KLHL22: variants seen among roughly 807,000 people sequenced by gnomAD.
The protein encoded by KLHL22 is kelch-like protein 22.
KLHL22 carries 18 observed loss-of-function variants against 60.7 expected under a neutral mutation model. The ratio of observed to expected loss-of-function variants is 0.30; its 90% CI spans 0.20 to 0.44. The LOEUF is 0.44. Among genes scored for constraint, KLHL22 ranks in the 20% least tolerant of loss-of-function variants. The pLI, the probability that KLHL22 is intolerant of heterozygous loss-of-function variation, is 1.00. For missense variants in KLHL22, 596 were observed against 852.3 expected, an observed-to-expected ratio of 0.70 and a Z score of 3.74; for synonymous variants, 355 against 354.5, an observed-to-expected ratio of 1.00 and a Z score of -0.01.
intron 5 of KLHL22, chr22:20,450,768 C>T: frequency 2.3e-6 from 3 of 1,328,720 alleles, no homozygotes; most frequent in Non-Finnish European, 3.3e-6. Context: ...CCTTGCCCAG[C>T]CTGCTACAGT....
chr22:20,450,421 A>G, intron 5 of KLHL22: 5 of 1,516,686 alleles, frequency 3.3e-6, no homozygotes, highest in Non-Finnish European at 4.6e-6. Flanking sequence ...TGACATGGAG[A>G]ATGTACAGGA....
At chr22:20,488,840 C>T (rs2053632673) in intron 2 of KLHL22, 145 bp downstream of exon 2, 2 of 717,766 alleles carry the variant, frequency 2.8e-6, no homozygotes, top group East Asian at 5.4e-5. Flanking sequence ...CTGTCTCTCA[C>T]ACTTGTTGAC....
At chr22:20,481,975 T>G (rs2146269927) in intron 2 of KLHL22, 1 of 152,320 alleles carries the variant, frequency 6.6e-6, no homozygotes, top group East Asian at 1.9e-4. Context: ...TGCAGTGCAG[T>G]GACATGATCC....
chr22:20,457,477 A>C (rs149928563), intron 5 of KLHL22, among the ~76,000 whole-genome samples: 111 of 152,260 alleles, frequency 7.3e-4, no homozygotes, highest in African/African-American at 2.6e-3. Context: ...ACAAAGAGCA[A>C]ATGTTCTATC....
chr22:20,460,306 CAAATTT>C (rs1224467692), intron 4 of KLHL22, among the ~76,000 whole-genome samples: 1 of 152,108 alleles, frequency 6.6e-6, no homozygotes, highest in Non-Finnish European at 1.5e-5. Flanking sequence ...TTTGTGGCTT[CAAATTT>C]AAAGACACAC....
At chr22:20,448,870 T>C (rs2052925762) in intron 5 of KLHL22, among the ~76,000 whole-genome samples, 1 of 152,236 alleles carries the variant, frequency 6.6e-6, no homozygotes, top group Non-Finnish European at 1.5e-5. Context: ...GTCACCAGTA[T>C]TTCGTATTTT....
intron 4 of KLHL22, among the ~76,000 whole-genome samples, chr22:20,461,550 C>CAAAAA (rs362095): frequency 4.6e-4 from 30 of 64,680 alleles, no homozygotes; most frequent in East Asian, 9.2e-4. Context: ...GACTCCAACT[C>CAAAAA]AAAAAAAAAA....
At chr22:20,480,962 G>A (rs184802499) in intron 2 of KLHL22, among the ~76,000 whole-genome samples, 1 of 151,226 alleles carries the variant, frequency 6.6e-6, no homozygotes, top group Non-Finnish European at 1.5e-5. Flanking sequence ...CTCCCGAGTA[G>A]CTGGGACTAC....
chr22:20,459,714 G>A (rs1282532144), intron 4 of KLHL22, among the ~76,000 whole-genome samples: 4 of 152,182 alleles, frequency 2.6e-5, no homozygotes, highest in Non-Finnish European at 5.9e-5. Context: ...TACCAGCAAT[G>A]AATCATTCAT....
chr22:20,456,928 C>A (rs889509275), intron 5 of KLHL22, among the ~76,000 whole-genome samples: 2 of 152,216 alleles, frequency 1.3e-5, no homozygotes, highest in African/African-American at 4.8e-5. Context: ...GCCCCCCATA[C>A]CATCCTCTGC....
At position 20,495,719 on chromosome 22, in the gene KLHL22, C is replaced by A; in HGVS notation, c.-34+41G>T. 1 of 151,640 alleles carries A rather than the reference C, an allele frequency of 6.6e-6. No individual in the cohort carries two copies. Among genetic ancestry groups the A allele is most frequent in the South Asian group, 1.9e-4 (1 of 5,392 alleles). 9.4% of individuals were successfully genotyped at this position (151,640 alleles called of 1,614,324 possible). On this transcript the variant is annotated intron_variant, in intron 1 of 6. Coordinates refer to ENST00000328879, the MANE Select transcript of KLHL22 (RefSeq NM_032775.4). The surrounding 1 kb of genome is among the most constrained non-coding windows in gnomAD (Gnocchi z 4.6). ...CTGCTTGCCGCCCGACCCCCGCGTTCGCTGCCGCCCGGCCCGTTCGGCTCA... is the reference window on the plus strand; with the variant it reads ...CTGCTTGCCGCCCGACCCCCGCGTTAGCTGCCGCCCGGCCCGTTCGGCTCA...
intron 5 of KLHL22, among the ~76,000 whole-genome samples, chr22:20,456,945 G>C (rs998372146): frequency 6.6e-6 from 1 of 152,154 alleles, no homozygotes; most frequent in Non-Finnish European, 1.5e-5. Flanking sequence ...CTGCCTCTCA[G>C]GTGCTCGGTT....
At position 20,444,882 on chromosome 22, in the gene KLHL22, TCA is replaced by T. The variant is rs575558427; in HGVS notation, c.1539+1559_1539+1560del. 1.0e-3 allele frequency among the ~76,000 whole-genome samples: 152 copies of T among 152,160 alleles called. 1 individual carries two copies. The highest frequency in any genetic ancestry group is 6.8e-3 in the Middle Eastern group (2 of 294). Reference sequence around the variant, plus strand: ...TCACTGCAGCCTCAACCTCCTGGGCTCAGTTGATTCTCCCTCAGCCTCCCAAG... The same window carrying T: ...TCACTGCAGCCTCAACCTCCTGGGCTGTTGATTCTCCCTCAGCCTCCCAAG... On this transcript the variant is annotated intron_variant, in intron 6 of 6. Transcript: ENST00000328879.
At chr22:20,478,704 C>CG (rs2053452601) in intron 2 of KLHL22, among the ~76,000 whole-genome samples, 1 of 148,358 alleles carries the variant, frequency 6.7e-6, no homozygotes, top group Non-Finnish European at 1.5e-5. Flanking sequence ...TTAGTAGAGA[C>CG]GGGGTTTCAC....
At chr22:20,475,563 A>G (rs1601369000) in intron 2 of KLHL22, among the ~76,000 whole-genome samples, 1 of 149,564 alleles carries the variant, frequency 6.7e-6, no homozygotes, top group Non-Finnish European at 1.5e-5. Context: ...TCCTTCCTCT[A>G]ATTTTTTTTT....
At position 20,450,496 on chromosome 22, in the gene KLHL22, GA is replaced by G. The variant is rs2052959769; in HGVS notation, c.1306-3821del. The stretch of plus-strand genomic sequence containing the variant: ...GAAACAAGCCTGCTGTGAGTTCTTA[GA>G]AAGTCAGTTGGACCCTTCTAATTGC... On this transcript the variant is annotated intron_variant, in intron 5 of 6. Transcript: ENST00000328879. 8.7e-6 allele frequency: 14 copies of G among 1,614,114 alleles called. No homozygotes were observed. The South Asian group carries it at 1.5e-4, about 18-fold the overall frequency.
intron 5 of KLHL22, among the ~76,000 whole-genome samples, chr22:20,448,256 T>G (rs2052911029): frequency 6.6e-6 from 1 of 152,248 alleles, no homozygotes; most frequent in Admixed American, 6.5e-5. Context: ...CTGAGACTTT[T>G]TGAGCACAAA....
At chr22:20,447,567 G>A (rs1335016077) in intron 5 of KLHL22, among the ~76,000 whole-genome samples, 6 of 136,048 alleles carry the variant, frequency 4.4e-5, no homozygotes, top group African/African-American at 1.3e-4. Flanking sequence ...TTTTTGAGAC[G>A]GAGTCTCGCT....
At chr22:20,445,129 C>T (rs756304877) in intron 6 of KLHL22, among the ~76,000 whole-genome samples, 39 of 151,896 alleles carry the variant, frequency 2.6e-4, no homozygotes, top group Admixed American at 5.9e-4. Context: ...AAAACATACA[C>T]GGTCAATGCT....
Sources: allele counts gnomAD v4.1 joint callset (sites outside exome capture counted in the v4.1 genomes callset), GRCh38; gene constraint gnomAD v4.1.1; non-coding constraint Gnocchi (gnomAD v3.1); transcripts MANE v1.5; gene names NCBI Gene and HGNC (gene_info 2026-07-23, HGNC 2026-07-21).